USP6: variants seen among roughly 807,000 people sequenced by gnomAD.
USP6 encodes ubiquitin specific peptidase 6, also known as ubiquitin carboxyl-terminal hydrolase 6.
In USP6, 128 loss-of-function variants were observed where a neutral mutation model predicts 175.7. The observed-to-expected ratio is 0.73, with a 90% CI of 0.63 to 0.84. The LOEUF is 0.84. Among genes scored for constraint, USP6 ranks in the 40% least tolerant of loss-of-function variants. USP6 has a pLI of 0.00. For synonymous variants in USP6, 562 were observed against 630.6 expected (o/e 0.89, Z 1.63); for missense variants, 1,498 against 1,760.3 (o/e 0.85, Z 2.67).
chr17:5,168,474 C>A (rs963808218), intron 34 of USP6, among the ~76,000 whole-genome samples: 1 of 152,162 alleles, frequency 6.6e-6, no homozygotes, highest in African/African-American at 2.4e-5. Context: ...TTAGGCTAGC[C>A]CTTTGTGGAC....
intron 15 of USP6, chr17:5,135,002 A>G (rs2073204543): frequency 2.1e-6 from 1 of 477,114 alleles, no homozygotes; most frequent in African/African-American, 2.0e-5. Flanking sequence ...AGAAAAAAAA[A>G]ATCATTCAGC....
intron 33 of USP6, among the ~76,000 whole-genome samples, chr17:5,165,470 G>A (rs1173335248): frequency 1.3e-5 from 2 of 152,074 alleles, no homozygotes; most frequent in African/African-American, 4.8e-5. Flanking sequence ...AGTCCCAGCT[G>A]CTTGGGAGGC....
chr17:5,168,968 G>A lies in USP6; in HGVS notation c.3430G>A (p.Asp1144Asn), dbSNP rs543316051. 3 of 1,613,960 alleles carry A rather than the reference G, an allele frequency of 1.9e-6. No homozygotes were observed. Among genetic ancestry groups the A allele is most frequent in the Admixed American group, 1.7e-5 (1 of 60,010 alleles). The stretch of plus-strand genomic sequence containing the variant: ...TCTGGCAAGAGAGGTGAAGAAAGTG[G>A]ATGCGCAGAGTTCGGCTGGAAAAGA... The part of the protein sequence containing the change: ...RILAREVKKV[D>N]AQSSAGKEDM... The change falls in exon 35 of 38, where the codon GAT becomes AAT. Residue 1144 changes from aspartate (D) to asparagine (N), a missense_variant. By Grantham distance (23) the Asp-to-Asn change is conservative (BLOSUM62 1). Around this residue, in one of 2 missense-constraint regions of USP6, gnomAD observed 1,217 missense variants for 1,500.8 expected, o/e 0.81. Transcript: ENST00000574788.
Position 5,142,111 on chromosome 17 carries a change from T to A in USP6, c.1682T>A (p.Ile561Asn). 15 of 1,613,388 alleles carry A rather than the reference T, an allele frequency of 9.3e-6. No homozygotes were observed. Among genetic ancestry groups the A allele is most frequent in the Non-Finnish European group, 1.1e-5 (13 of 1,179,698 alleles). ...ACACAGCCACTGACACAGTATTTTA[T>A]CTCAGGGAGACATCTTTATGAACTC... ...SNTQPLTQYF[I>N]SGRHLYELNR... Residue 561 changes from isoleucine to asparagine, a missense_variant, in exon 24 of 38, where the codon ATC becomes AAC. Coordinates refer to ENST00000574788, the MANE Select transcript of USP6 (RefSeq NM_001304284.2).
rs2073102418 is a variant in USP6 at position 5,132,460 on chromosome 17, C to T, written c.195+25C>T. ...GGTAAGAGCCTGATGCGTGGAGGGGCTGGTCCAGGGACGTAGGGACTGGGC... is the reference window on the plus strand; with the variant it reads ...GGTAAGAGCCTGATGCGTGGAGGGGTTGGTCCAGGGACGTAGGGACTGGGC... On this transcript the variant is annotated intron_variant, in intron 12 of 37. Coordinates refer to ENST00000574788, the MANE Select transcript of USP6 (RefSeq NM_001304284.2). The surrounding 1 kb of genome is among the most constrained non-coding windows in gnomAD (Gnocchi z 4.7). 2 of 1,612,048 alleles carry T rather than the reference C, an allele frequency of 1.2e-6. No individual in the cohort carries two copies. The highest frequency in any genetic ancestry group is 2.7e-5 in the African/African-American group (2 of 74,986).
intron 25 of USP6, among the ~76,000 whole-genome samples, chr17:5,143,102 C>T (rs945812654): frequency 9.8e-5 from 15 of 152,300 alleles, no homozygotes; most frequent in African/African-American, 2.9e-4. Context: ...GCCCCCCACC[C>T]GGCCAGCCGC....
intron 37 of USP6, 129 bp downstream of exon 37, chr17:5,171,808 A>C (rs916067907): frequency 6.7e-6 from 7 of 1,048,044 alleles, no homozygotes; most frequent in African/African-American, 6.5e-5. Context: ...AGATGCTGTC[A>C]GTATTAAAGG....
At chr17:5,153,530 C>T (rs1196115529) in intron 30 of USP6, among the ~76,000 whole-genome samples, 1 of 152,194 alleles carries the variant, frequency 6.6e-6, no homozygotes, top group Non-Finnish European at 1.5e-5. Context: ...AGGTGATCCA[C>T]CCACCTTGGC....
At chr17:5,172,401 CAT>C (rs2074245227) in intron 37 of USP6, among the ~76,000 whole-genome samples, 2 of 151,852 alleles carry the variant, frequency 1.3e-5, no homozygotes, top group South Asian at 2.1e-4. Flanking sequence ...TGTGGTGGCA[CAT>C]GCCTGTAGTC....
At position 5,137,684 on chromosome 17, in the gene USP6, G is replaced by A. The variant is rs774356571; in HGVS notation, c.859G>A (p.Val287Met). 12 of 1,606,848 alleles carry A rather than the reference G, an allele frequency of 7.5e-6. No individual in the cohort carries two copies. Among genetic ancestry groups the A allele is most frequent in the South Asian group, 4.4e-5 (4 of 91,044 alleles). Residue 287 changes from valine to methionine, a missense_variant, in exon 20 of 38, where the codon GTG becomes ATG. Physicochemically the swap from Val to Met is conservative, Grantham distance 21. Coordinates refer to ENST00000574788, the MANE Select transcript of USP6 (RefSeq NM_001304284.2). ...SLGLTLRLWD[V>M]YLVEGEQVLM... Reference sequence around the variant, plus strand: ...CGGGCTCACCCTGCGCCTGTGGGACGTGTATTTGGTGGAAGGAGAACAGGT... The same window carrying A: ...CGGGCTCACCCTGCGCCTGTGGGACATGTATTTGGTGGAAGGAGAACAGGT...
rs2074201364 is a variant in USP6 at position 5,170,851 on chromosome 17, A to G, written c.3890A>G (p.Asp1297Gly). The G allele has an allele frequency of 6.2e-7, 1 of 1,612,928 alleles. No individual in the cohort carries two copies. Among genetic ancestry groups the G allele is most frequent in the African/African-American group, 1.3e-5 (1 of 74,998 alleles). The stretch of plus-strand genomic sequence containing the variant: ...CAGCTTGGAAACCACAGTGAAGAAG[A>G]CAGCACTGATGACCAAAGAGAAGAC... ...NGQLGNHSEE[D>G]STDDQREDTH... Residue 1297 changes from aspartate (D) to glycine (G), a missense_variant, in exon 36 of 38, where the codon GAC (aspartate) becomes GGC (glycine). Transcript: ENST00000574788.
At chr17:5,131,804 G>T (rs888553171) in intron 11 of USP6, among the ~76,000 whole-genome samples, 26 of 148,052 alleles carry the variant, frequency 1.8e-4, no homozygotes, top group African/African-American at 6.5e-4. Context: ...GATCCCAGGG[G>T]AGGTAGGGTG....
chr17:5,169,474 C>T (rs1258151686), intron 35 of USP6, among the ~76,000 whole-genome samples: 1 of 152,132 alleles, frequency 6.6e-6, no homozygotes, highest in Non-Finnish European at 1.5e-5. Context: ...CTCACTCTGT[C>T]ACCCAGGCTG....
rs1411212794 is a variant in USP6, at chr17:5,172,826, G to C, written c.4069G>C (p.Asp1357His). The C allele has an allele frequency of 3.7e-6, 6 of 1,613,594 alleles. No individual in the cohort carries two copies. Among genetic ancestry groups the C allele is most frequent in the Admixed American group, 1.7e-5 (1 of 60,002 alleles). Residue 1357 changes from aspartate to histidine, a missense_variant, in exon 38 of 38, where the codon GAC (aspartate) becomes CAC (histidine). Coordinates refer to ENST00000574788, the MANE Select transcript of USP6 (RefSeq NM_001304284.2). ...TCAGGAACTTCACCCTGATGAAATTGACACCGACTCTGCCTACATTCTTTT... is the reference window on the plus strand; with the variant it reads ...TCAGGAACTTCACCCTGATGAAATTCACACCGACTCTGCCTACATTCTTTT... ...SCEELHPDEI[D>H]TDSAYILFYE...
Position 5,139,186 on chromosome 17 carries a change from G to A in USP6, c.1079-69G>A, listed in dbSNP as rs770094861. On this transcript the variant is annotated intron_variant, in intron 21 of 37. Transcript: ENST00000574788. ...CCAAGGACTCCAGAGATGCAGGCAG[G>A]TGGGGCCCAGCCCGGAAAGGCCTGC... 3.1e-6 allele frequency: 5 copies of A among 1,598,350 alleles called. No individual in the cohort carries two copies. The South Asian group carries it at 5.5e-5, about 18-fold the overall frequency.
rs1172436485 is a variant in USP6 at position 5,152,237 on chromosome 17, G to A, written c.2644-3185G>A. Among the ~76,000 whole-genome samples, 15 of 139,568 alleles carry A rather than the reference G, an allele frequency of 1.1e-4. No individual in the cohort carries two copies. The South Asian group carries it at 2.0e-3, about 18-fold the overall frequency. 91.6% of individuals were successfully genotyped at this position (139,568 alleles called of 152,430 possible). Reference sequence around the variant, plus strand: ...AGCCTGGGCAACAGAGCGAGACTCCGTCTCAAAAAAAAAAAAAAAAGTGAT... The same window carrying A: ...AGCCTGGGCAACAGAGCGAGACTCCATCTCAAAAAAAAAAAAAAAAGTGAT... On this transcript the variant is annotated intron_variant, in intron 30 of 37. Transcript: ENST00000574788.
At chr17:5,151,858 C>T (rs1037295261) in intron 30 of USP6, among the ~76,000 whole-genome samples, 1 of 152,108 alleles carries the variant, frequency 6.6e-6, no homozygotes, top group Non-Finnish European at 1.5e-5. Flanking sequence ...GAAAGCAAAA[C>T]AATGAAACAG....
In USP6 at chr17:5,147,094, G is replaced by A; in HGVS notation, c.2331G>A (p.Gln777=). 6.2e-7 allele frequency: 1 copy of A among 1,612,312 alleles called. No homozygotes were observed. Among genetic ancestry groups the A allele is most frequent in the Non-Finnish European group, 8.5e-7 (1 of 1,179,374 alleles). ...VHDSNIKNFP[Q]DNQKVQLSVS... ...TGCTGTTTCTGTAGAACTTTCCTCA[G>A]GATAACCAAAAAGTACAACTCTCAG... is the stretch of plus-strand genomic sequence containing the variant. The change falls in exon 29 of 38, where the codon CAG becomes CAA. Residue 777 remains glutamine (Q), a synonymous_variant. Coordinates refer to ENST00000574788, the MANE Select transcript of USP6 (RefSeq NM_001304284.2).
intron 23 of USP6, 64 bp from the exon 24 acceptor site, chr17:5,141,939 G>A (rs2073458858): frequency 1.5e-5 from 23 of 1,550,152 alleles, no homozygotes; most frequent in Non-Finnish European, 1.9e-5. Flanking sequence ...TTGAATATAA[G>A]TAACTGTTTG....
Sources: allele counts gnomAD v4.1 joint callset (sites outside exome capture counted in the v4.1 genomes callset), GRCh38; gene constraint gnomAD v4.1.1; regional missense constraint gnomAD v4.1.1; non-coding constraint Gnocchi (gnomAD v3.1); transcripts MANE v1.5; gene names NCBI Gene and HGNC (gene_info 2026-07-23, HGNC 2026-07-21).